PPP6R1: variants seen among roughly 807,000 people sequenced by gnomAD.
PPP6R1 encodes serine/threonine-protein phosphatase 6 regulatory subunit 1.
PPP6R1 carries 39 observed loss-of-function variants against 104.6 expected under a neutral mutation model. The ratio of observed to expected loss-of-function variants is 0.37; its 90% CI spans 0.29 to 0.49. The LOEUF (loss-of-function observed/expected upper bound fraction) is 0.49. PPP6R1 is among the 20% of genes least tolerant of loss of function. PPP6R1 has a pLI of 0.98. For synonymous variants in PPP6R1, 549 were observed against 479.0 expected (o/e 1.15, Z -1.91); for missense variants, 1,181 against 1,155.8 (o/e 1.02, Z -0.32).
At chr19:55,254,295 G>A (rs377451060) in intron 1 of PPP6R1, among the ~76,000 whole-genome samples, 13 of 152,200 alleles carry the variant, frequency 8.5e-5, no homozygotes, top group African/African-American at 3.1e-4. Context: ...AACGGAAGAA[G>A]GGGAAATTGT....
At chr19:55,232,781 G>A (rs1459453241) in intron 17 of PPP6R1, 3 of 152,770 alleles carry the variant, frequency 2.0e-5, no homozygotes, top group Non-Finnish European at 4.4e-5. Flanking sequence ...TGAGCATGAA[G>A]AAAATCCAAG....
chr19:55,231,005 G>GC, intron 21 of PPP6R1, 121 bp from the exon 22 acceptor site: 1 of 849,604 alleles, frequency 1.2e-6, no homozygotes, highest in Non-Finnish European at 1.9e-6. Flanking sequence ...GCCCCACGGG[G>GC]AGGGGCCTCC....
intron 15 of PPP6R1, among the ~76,000 whole-genome samples, chr19:55,237,723 A>G (rs1176208956): frequency 1.3e-5 from 2 of 152,182 alleles, no homozygotes; most frequent in Non-Finnish European, 2.9e-5. Flanking sequence ...TCCCTCCTAG[A>G]CACTGAGAAG....
At chr19:55,248,712 C>T (rs941480978) in intron 1 of PPP6R1, among the ~76,000 whole-genome samples, 3 of 152,360 alleles carry the variant, frequency 2.0e-5, no homozygotes, top group African/African-American at 7.2e-5. Context: ...AGCCCCAGGC[C>T]CCAGGGAAGA....
intron 1 of PPP6R1, among the ~76,000 whole-genome samples, chr19:55,257,337 A>T (rs1600120789): frequency 6.6e-6 from 1 of 152,212 alleles, no homozygotes; most frequent in African/African-American, 2.4e-5. Flanking sequence ...TGAACCCAGT[A>T]CCGCACCTGA....
intron 21 of PPP6R1, 116 bp downstream of exon 21, chr19:55,231,294 G>A: frequency 1.6e-6 from 2 of 1,236,542 alleles, no homozygotes; most frequent in Non-Finnish European, 1.2e-6. Flanking sequence ...GCTGCGCCTG[G>A]GGGTCCTGCA....
chr19:55,236,890 C>G (rs771795444), intron 16 of PPP6R1, 23 bp downstream of exon 16: 35 of 1,612,614 alleles, frequency 2.2e-5, no homozygotes, highest in Non-Finnish European at 2.9e-5. Flanking sequence ...CCCGCCACAA[C>G]CAGGGGACAG....
intron 15 of PPP6R1, 60 bp from the exon 16 acceptor site, chr19:55,237,030 C>T: frequency 6.7e-7 from 1 of 1,496,670 alleles, no homozygotes; most frequent in African/African-American, 1.4e-5. Context: ...CAGCACAGGA[C>T]AGGCCACATT....
chr19:55,238,684 T>TG (rs1355786253), intron 15 of PPP6R1: 2 of 152,004 alleles, frequency 1.3e-5, no homozygotes, highest in Admixed American at 1.3e-4. Context: ...TTAGTAGAGA[T>TG]GGGGTTTCGC....
Position 55,241,680 on chromosome 19 carries a change from G to A in PPP6R1, c.846-41C>T. On this transcript the variant is annotated intron_variant, in intron 7 of 23. Coordinates refer to ENST00000412770, the MANE Select transcript of PPP6R1 (RefSeq NM_014931.4). The surrounding 1 kb of genome is among the most constrained non-coding windows in gnomAD (Gnocchi z 5.4). ...GTCGAAGGCGGAGTGAGCCTAGATG[G>A]CCTGTGCGCCCACACAGGAGTAGGC... 1 of 1,510,448 alleles carries A rather than the reference G, an allele frequency of 6.6e-7. No individual in the cohort carries two copies. The highest frequency in any genetic ancestry group is 8.9e-7 in the Non-Finnish European group (1 of 1,127,774). 93.6% of individuals were successfully genotyped at this position (1,510,448 alleles called of 1,614,324 possible).
chr19:55,240,946 T>A lies in PPP6R1; in HGVS notation c.1295A>T (p.His432Leu). The A allele has an allele frequency of 6.2e-7, 1 of 1,605,594 alleles. No individual in the cohort carries two copies. Among genetic ancestry groups the A allele is most frequent in the Non-Finnish European group, 8.5e-7 (1 of 1,176,812 alleles). ...GGGGACCAGGGAGTCCCAGCTCACA[T>A]GTTTCACAACAGGGTTTTGGATGGG... ...ETPIQNPVVK[H>L]LLQQCRLVER... is the part of the protein sequence containing the mutation. Residue 432 changes from histidine (H) to leucine (L), a missense_variant and splice_region_variant, in exon 10 of 24, where the codon CAT (histidine) becomes CTT (leucine). Physicochemically the swap from His to Leu is moderately conservative, Grantham distance 99 (BLOSUM62 -3). Coordinates refer to ENST00000412770, the MANE Select transcript of PPP6R1 (RefSeq NM_014931.4).
chr19:55,241,849 C>T lies in PPP6R1; in HGVS notation c.846-210G>A, dbSNP rs1182778049. On this transcript the variant is annotated intron_variant, in intron 7 of 23. Coordinates refer to ENST00000412770, the MANE Select transcript of PPP6R1 (RefSeq NM_014931.4). This position sits in a 1 kb window ranked among gnomAD's most constrained non-coding sequence, Gnocchi z 5.4. ...GCATTGGCAGTCCACTGTGAGAGCA[C>T]GGGTGAGGGGTGGAGGCGGGAAGGC... Among the ~76,000 whole-genome samples the T allele has an allele frequency of 6.6e-6, 1 of 152,144 alleles. No homozygotes were observed. Among genetic ancestry groups the T allele is most frequent in the Non-Finnish European group, 1.5e-5 (1 of 68,022 alleles).
intron 15 of PPP6R1, among the ~76,000 whole-genome samples, chr19:55,237,768 G>A (rs921269734): frequency 2.6e-5 from 4 of 152,336 alleles, no homozygotes; most frequent in Admixed American, 2.6e-4. Context: ...CACACAGTGG[G>A]TCTAGGGCAG....
At position 55,241,693 on chromosome 19, in the gene PPP6R1, C is replaced by T; in HGVS notation, c.846-54G>A. 6.7e-7 allele frequency: 1 copy of T among 1,493,082 alleles called. No homozygotes were observed. Among genetic ancestry groups the T allele is most frequent in the Non-Finnish European group, 8.9e-7 (1 of 1,118,192 alleles). The allele number at this position is 1,493,082 out of a possible 1,614,324, so 92.5% of individuals were successfully genotyped here. On this transcript the variant is annotated intron_variant, in intron 7 of 23. Transcript: ENST00000412770. This position sits in a 1 kb window ranked among gnomAD's most constrained non-coding sequence, Gnocchi z 5.4. The stretch of plus-strand genomic sequence containing the variant: ...TGAGCCTAGATGGCCTGTGCGCCCA[C>T]ACAGGAGTAGGCACAAGGACCACGT...
In PPP6R1 at chr19:55,242,189, G is replaced by C; in HGVS notation, c.822C>G (p.Thr274=). 1 of 1,613,628 alleles carries C rather than the reference G, an allele frequency of 6.2e-7. No individual in the cohort carries two copies. Among genetic ancestry groups the C allele is most frequent in the Non-Finnish European group, 8.5e-7 (1 of 1,179,848 alleles). ...VIVSGIQVLL[T]LLEPRRPRSE... ...ACCTCGGCCTCCTGGGCTCCAGCAGGGTCAGCAGCACCTGGATCCCACTGA... is the reference window on the plus strand; with the variant it reads ...ACCTCGGCCTCCTGGGCTCCAGCAGCGTCAGCAGCACCTGGATCCCACTGA... Residue 274 remains threonine (T), a synonymous_variant, in exon 7 of 24, where the codon ACC becomes ACG. Transcript: ENST00000412770.
intron 5 of PPP6R1, among the ~76,000 whole-genome samples, chr19:55,244,593 T>C (rs970625959): frequency 2.0e-5 from 3 of 152,228 alleles, no homozygotes; most frequent in Non-Finnish European, 4.4e-5. Flanking sequence ...CTGCAAGGCA[T>C]TATGTGCCAA....
intron 1 of PPP6R1, among the ~76,000 whole-genome samples, chr19:55,256,313 G>C (rs760741366): frequency 5.6e-4 from 86 of 152,222 alleles, no homozygotes; most frequent in Non-Finnish European, 1.1e-3. Flanking sequence ...TGGGCTGGAC[G>C]GTTCTTTTCG....
chr19:55,231,875 G>T lies in PPP6R1; in HGVS notation c.2233C>A (p.Pro745Thr). 1 of 1,506,332 alleles carries T rather than the reference G, an allele frequency of 6.6e-7. No homozygotes were observed. Among genetic ancestry groups the T allele is most frequent in the East Asian group, 2.3e-5 (1 of 42,970 alleles). 93.3% of individuals were successfully genotyped at this position (1,506,332 alleles called of 1,614,324 possible). Residue 745 changes from proline (P) to threonine (T), a missense_variant, in exon 19 of 24, where the codon CCC becomes ACC. Pro to Thr is a conservative substitution (Grantham distance 38). Transcript: ENST00000412770. ...LHTGPPAPQG[P>T]LSVPQGLPTQ... ...GGGAGGCCCTGGGGCACACTGAGGG[G>T]CCCCTGTGGGGCTGGAGGCCCAGTG...
intron 6 of PPP6R1, 33 bp downstream of exon 6, chr19:55,242,343 T>TC: frequency 6.2e-7 from 1 of 1,611,900 alleles, no homozygotes. Context: ...CCAAGTCAGC[T>TC]CCCCCCAGCC....
Sources: gnomAD v4.1 joint callset for allele counts (sites outside exome capture counted in the v4.1 genomes callset) on GRCh38, gnomAD v4.1.1 for gene constraint, Gnocchi (gnomAD v3.1) non-coding constraint, MANE v1.5 for transcripts, NCBI Gene and HGNC (gene_info 2026-07-23, HGNC 2026-07-21) for gene names.